Variants in ARK2C observed in about 807,000 individuals in gnomAD.
ARK2C encodes arkadia (RNF111) C-terminal like ring finger ubiquitin ligase 2C.
At chr18:46,365,844 T>C in the ARK2C span, among the ~76,000 whole-genome samples, 4 of 151,974 alleles carry the variant, frequency 2.6e-5, no homozygotes, top group Non-Finnish European at 5.9e-5. Context: ...TAGATTTGCA[T>C]GGGGGTGAGG....
At chr18:46,449,414 G>A in the ARK2C span, among the ~76,000 whole-genome samples, 5 of 152,038 alleles carry the variant, frequency 3.3e-5, no homozygotes, top group African/African-American at 1.2e-4. Flanking sequence ...GAGGCTTTTG[G>A]TGGCCCTTTA....
the ARK2C span, among the ~76,000 whole-genome samples, chr18:46,398,307 C>T: frequency 2.0e-5 from 3 of 151,430 alleles, no homozygotes; most frequent in African/African-American, 7.3e-5. Context: ...CACAGTGAGG[C>T]CGCAGGGCAG....
chr18:46,396,027 C>T, the ARK2C span, among the ~76,000 whole-genome samples: 1 of 152,190 alleles, frequency 6.6e-6, no homozygotes, highest in African/African-American at 2.4e-5. Context: ...TCTGTGTGGT[C>T]TCTCATGGTC....
the ARK2C span, chr18:46,433,227 C>A: frequency 6.2e-7 from 1 of 1,603,750 alleles, no homozygotes; most frequent in Non-Finnish European, 8.5e-7. Context: ...CTCACGCTAC[C>A]TCCTGCCGCC....
the ARK2C span, among the ~76,000 whole-genome samples, chr18:46,431,616 A>T: frequency 6.6e-6 from 1 of 151,740 alleles, no homozygotes; most frequent in African/African-American, 2.4e-5. Flanking sequence ...CCATATTCAG[A>T]CTTTCACTTA....
the ARK2C span, chr18:46,335,815 C>T: frequency 1.6e-5 from 14 of 884,316 alleles, no homozygotes; most frequent in African/African-American, 1.4e-4. Flanking sequence ...CTGTTTGAAC[C>T]GCAGTTTTTT....
the ARK2C span, among the ~76,000 whole-genome samples, chr18:46,428,799 AACTGTT>A: frequency 6.6e-6 from 1 of 152,242 alleles, no homozygotes; most frequent in Admixed American, 6.5e-5. Context: ...AATTAATTTC[AACTGTT>A]TCTTTTTACT....
chr18:46,369,100 T>C, the ARK2C span, among the ~76,000 whole-genome samples: 1 of 152,198 alleles, frequency 6.6e-6, no homozygotes, highest in Non-Finnish European at 1.5e-5. Context: ...AACTAATAAA[T>C]GGTAGGCCAG....
the ARK2C span, among the ~76,000 whole-genome samples, chr18:46,452,165 A>G: frequency 6.6e-6 from 1 of 152,218 alleles, no homozygotes; most frequent in Admixed American, 6.5e-5. Context: ...TTAATAGTCT[A>G]TTGATACTGG....
chr18:46,420,742 G>C, the ARK2C span, among the ~76,000 whole-genome samples: 1 of 152,112 alleles, frequency 6.6e-6, no homozygotes. Flanking sequence ...TTACTCAGGA[G>C]GCTGAGGCAG....
At chr18:46,341,672 C>T in the ARK2C span, among the ~76,000 whole-genome samples, 4 of 152,158 alleles carry the variant, frequency 2.6e-5, no homozygotes, top group Admixed American at 1.3e-4. Context: ...ATTCCTCATA[C>T]TCACATGACT....
the ARK2C span, among the ~76,000 whole-genome samples, chr18:46,351,591 C>CA: frequency 6.6e-6 from 1 of 152,194 alleles, no homozygotes; most frequent in African/African-American, 2.4e-5. Flanking sequence ...CTAAGCAGGA[C>CA]AGAAATATCC....
At chr18:46,431,083 CCT>C in the ARK2C span, among the ~76,000 whole-genome samples, 4 of 152,076 alleles carry the variant, frequency 2.6e-5, no homozygotes, top group Admixed American at 2.6e-4. Flanking sequence ...GTGATGTTCC[CCT>C]CTCTGTGTCC....
chr18:46,383,778 T>C, the ARK2C span, among the ~76,000 whole-genome samples: 1 of 151,764 alleles, frequency 6.6e-6, no homozygotes, highest in Non-Finnish European at 1.5e-5. Flanking sequence ...ATGGTCTTGA[T>C]CTGACCTCGT....
chr18:46,428,275 G>A, the ARK2C span, among the ~76,000 whole-genome samples: 7 of 152,298 alleles, frequency 4.6e-5, no homozygotes, highest in South Asian at 1.5e-3. Context: ...TGGGTGTGGT[G>A]GCAGGCGCCT....
chr18:46,390,731 G>A, the ARK2C span, among the ~76,000 whole-genome samples: 2 of 152,114 alleles, frequency 1.3e-5, no homozygotes, highest in African/African-American at 2.4e-5. Context: ...GAAGGCGGTG[G>A]CTCGGAATCC....
chr18:46,445,874 G>A, the ARK2C span, among the ~76,000 whole-genome samples: 5 of 149,910 alleles, frequency 3.3e-5, no homozygotes, highest in East Asian at 1.9e-4. Flanking sequence ...CAGTAGAAGC[G>A]GAAATTCCTT....
chr18:46,414,860 C>T, the ARK2C span, among the ~76,000 whole-genome samples: 3 of 152,194 alleles, frequency 2.0e-5, no homozygotes, highest in African/African-American at 7.2e-5. Flanking sequence ...CCCTAGGAAA[C>T]ATTTTCATTT....
At chr18:46,418,528 G>A in the ARK2C span, among the ~76,000 whole-genome samples, 3 of 152,216 alleles carry the variant, frequency 2.0e-5, no homozygotes, top group African/African-American at 4.8e-5. Context: ...GACAGCACAT[G>A]TGAATTTGAA....
Sources: allele counts gnomAD v4.1 joint callset (sites outside exome capture counted in the v4.1 genomes callset), GRCh38; gene constraint gnomAD v4.1.1; transcripts MANE v1.5; gene names NCBI Gene and HGNC (gene_info 2026-07-23, HGNC 2026-07-21).